TYW1: variants seen among roughly 807,000 people sequenced by gnomAD.
TYW1 encodes the protein S-adenosyl-L-methionine-dependent tRNA 4-demethylwyosine synthase TYW1.
A neutral mutation model predicts 96.2 loss-of-function variants in TYW1; 46 were observed. That is an observed-to-expected ratio of 0.48 (90% CI 0.38 to 0.61). The LOEUF is 0.61. Ranked by LOEUF, TYW1 falls within the 20% of genes least tolerant of loss-of-function variation. The pLI is 0.00. For missense variants in TYW1, 684 were observed against 909.6 expected (o/e 0.75, Z 3.19); for synonymous variants, 274 against 323.0 (o/e 0.85, Z 1.63).
At chr7:67,096,264 C>A (rs1283565923) in intron 11 of TYW1, among the ~76,000 whole-genome samples, 2 of 151,868 alleles carry the variant, frequency 1.3e-5, no homozygotes, top group African/African-American at 4.9e-5. Flanking sequence ...GTGGTGGGCA[C>A]CTGTAGTCCC....
At chr7:67,163,106 C>T (rs988352279) in intron 13 of TYW1, among the ~76,000 whole-genome samples, 7 of 152,026 alleles carry the variant, frequency 4.6e-5, no homozygotes, top group African/African-American at 1.2e-4. Context: ...TGTAAATTTC[C>T]GCATTCTGCT....
chr7:67,224,503 G>T (rs1409877629), intron 15 of TYW1, among the ~76,000 whole-genome samples: 1 of 152,206 alleles, frequency 6.6e-6, no homozygotes, highest in Non-Finnish European at 1.5e-5. Flanking sequence ...AGCTGTTCCT[G>T]CTGGCACAGT....
chr7:67,203,020 G>A (rs1800652076), intron 15 of TYW1, among the ~76,000 whole-genome samples: 1 of 152,212 alleles, frequency 6.6e-6, no homozygotes, highest in Non-Finnish European at 1.5e-5. Context: ...TCACATGTGT[G>A]TGTTTAGTTC....
intron 6 of TYW1, among the ~76,000 whole-genome samples, chr7:67,020,891 G>C (rs539699474): frequency 1.3e-5 from 2 of 152,262 alleles, no homozygotes; most frequent in African/African-American, 4.8e-5. Context: ...AGCTGGGTAT[G>C]CTGGCAGGCA....
At chr7:67,135,537 C>T (rs1798223669) in intron 13 of TYW1, among the ~76,000 whole-genome samples, 1 of 151,578 alleles carries the variant, frequency 6.6e-6, no homozygotes. Flanking sequence ...CTCCTGGCCT[C>T]AAGCAATCCA....
Position 67,129,606 on chromosome 7 carries a change from AT to A in TYW1, c.1698+11993del, listed in dbSNP as rs956360931. Among the ~76,000 whole-genome samples, 163 of 152,204 alleles carry A rather than the reference AT, an allele frequency of 1.1e-3. 1 individual carries two copies. The highest frequency in any genetic ancestry group is 3.7e-3 in the African/African-American group (154 of 41,522). ...CTGATGGATCTAAGAACAGTTGTTG[AT>A]TTTTCAATTTGTTCAGCTTTTTACT... On this transcript the variant is annotated intron_variant, in intron 13 of 15. Coordinates refer to ENST00000359626, the MANE Select transcript of TYW1 (RefSeq NM_018264.4).
intron 11 of TYW1, among the ~76,000 whole-genome samples, chr7:67,093,941 A>G (rs1479589561): frequency 6.6e-6 from 1 of 152,152 alleles, no homozygotes; most frequent in African/African-American, 2.4e-5. Context: ...CTTCTTGCAT[A>G]CCCATTACTC....
chr7:67,190,259 C>T (rs1042167227), intron 14 of TYW1, among the ~76,000 whole-genome samples: 13 of 152,174 alleles, frequency 8.5e-5, no homozygotes, highest in African/African-American at 3.1e-4. Flanking sequence ...TGGTTCATAC[C>T]TGTTACAGAG....
intron 15 of TYW1, among the ~76,000 whole-genome samples, chr7:67,207,669 A>G (rs1225683465): frequency 7.7e-6 from 1 of 129,290 alleles, no homozygotes; most frequent in African/African-American, 3.0e-5. Context: ...CTACTTCACA[A>G]ATTTTGTTTG....
At position 67,067,382 on chromosome 7, in the gene TYW1, A is replaced by G. The variant is rs1795898129; in HGVS notation, c.1253A>G (p.Asn418Ser). The G allele has an allele frequency of 6.2e-7, 1 of 1,613,896 alleles. No individual in the cohort carries two copies. ...ACCACCCCGAGCTTGGCGTGTGCTA[A>G]TAAATGTGTCTTCTGTTGGCGGTAA... is the stretch of plus-strand genomic sequence containing the variant. ...METTPSLACA[N>S]KCVFCWRHHT... is the part of the protein sequence containing the mutation. The change falls in exon 10 of 16, where the codon AAT becomes AGT. Residue 418 changes from asparagine to serine, a missense_variant. Asn to Ser is a conservative substitution (Grantham distance 46). Transcript: ENST00000359626.
chr7:67,226,759 A>T (rs1801571216), intron 15 of TYW1, among the ~76,000 whole-genome samples: 1 of 152,186 alleles, frequency 6.6e-6, no homozygotes, highest in Non-Finnish European at 1.5e-5. Flanking sequence ...GGGTGGTTTC[A>T]GTAATACTCT....
chr7:67,034,732 T>G (rs1794780134), intron 7 of TYW1, among the ~76,000 whole-genome samples: 1 of 152,216 alleles, frequency 6.6e-6, no homozygotes, highest in African/African-American at 2.4e-5. Context: ...CACAATTTAT[T>G]TGGCTCTTGT....
chr7:67,147,331 G>A (rs1798638927), intron 13 of TYW1, among the ~76,000 whole-genome samples: 1 of 152,128 alleles, frequency 6.6e-6, no homozygotes, highest in Non-Finnish European at 1.5e-5. Flanking sequence ...AGAAACTGGA[G>A]CATCCATGGA....
At chr7:67,085,756 G>A (rs77200780) in intron 11 of TYW1, among the ~76,000 whole-genome samples, 6,078 of 152,162 alleles carry the variant, frequency 0.04, 180 homozygotes, top group Middle Eastern at 0.1. Flanking sequence ...ATCACCTGAC[G>A]TCAGGAGTTC....
At chr7:67,068,069 TG>T (rs1795921982) in intron 10 of TYW1, among the ~76,000 whole-genome samples, 1 of 150,790 alleles carries the variant, frequency 6.6e-6, no homozygotes, top group Admixed American at 6.7e-5. Context: ...TTGCCCAGGG[TG>T]GAGGGCAATG....
At chr7:67,043,272 A>G (rs552644547) in intron 7 of TYW1, among the ~76,000 whole-genome samples, 7 of 151,988 alleles carry the variant, frequency 4.6e-5, no homozygotes, top group African/African-American at 1.7e-4. Context: ...TTAGAGAACC[A>G]TGAGTCAGGA....
chr7:67,087,043 T>C (rs1224045790), intron 11 of TYW1, among the ~76,000 whole-genome samples: 2 of 152,198 alleles, frequency 1.3e-5, no homozygotes, highest in African/African-American at 2.4e-5. Context: ...AGCACTGCCT[T>C]GAAGAATAGA....
chr7:67,168,717 CT>C (rs201162063), intron 13 of TYW1, among the ~76,000 whole-genome samples: 6,099 of 151,052 alleles, frequency 0.04, 176 homozygotes, highest in Middle Eastern at 0.096. Context: ...CTTTTTTTTT[CT>C]TTTTTTCTTT....
chr7:67,084,070 T>C (rs1353589640), intron 11 of TYW1, among the ~76,000 whole-genome samples: 1 of 152,200 alleles, frequency 6.6e-6, no homozygotes, highest in Admixed American at 6.6e-5. Context: ...TTTAGCAACT[T>C]ATAATATGCT....
Sources: allele counts gnomAD v4.1 joint callset (sites outside exome capture counted in the v4.1 genomes callset), GRCh38; gene constraint gnomAD v4.1.1; transcripts MANE v1.5; gene names NCBI Gene and HGNC (gene_info 2026-07-23, HGNC 2026-07-21).